The following TBX18 variants were observed in gnomAD, a reference collection of about 807,000 sequenced individuals.
TBX18 encodes the protein T-box transcription factor TBX18.
A neutral mutation model predicts 55.0 loss-of-function variants in TBX18; 21 were observed. The ratio of observed to expected loss-of-function variants is 0.38; its 90% CI spans 0.27 to 0.55. The LOEUF (loss-of-function observed/expected upper bound fraction) is 0.55. Among genes scored for constraint, TBX18 ranks in the 20% least tolerant of loss-of-function variants. TBX18 has a pLI of 0.73. For missense variants in TBX18, 840 were observed against 799.6 expected (o/e 1.05, Z -0.61); for synonymous variants, 342 against 326.1 (o/e 1.05, Z -0.53).
At chr6:84,762,969 C>CCCCAAGT (rs1767696418) in intron 1 of TBX18, 2 of 585,350 alleles carry the variant, frequency 3.4e-6, no homozygotes, top group African/African-American at 1.9e-5. Context: ...CCTGCTTGGT[C>CCCCAAGT]CCCAAGTCCC....
chr6:84,740,479 C>G (rs574743705), intron 6 of TBX18, among the ~76,000 whole-genome samples: 2 of 152,120 alleles, frequency 1.3e-5, no homozygotes, highest in Admixed American at 1.3e-4. Flanking sequence ...ATATCTGTGG[C>G]CAAACTACAA....
intron 3 of TBX18, 151 bp from the exon 4 acceptor site, chr6:84,757,020 C>T: frequency 1.3e-6 from 1 of 796,480 alleles, no homozygotes; most frequent in South Asian, 2.0e-5. Context: ...AAGCGCTTTT[C>T]CAAACCACTC....
chr6:84,757,060 G>A (rs564288920), intron 3 of TBX18, among the ~76,000 whole-genome samples, 191 bp from the exon 4 acceptor site: 1 of 152,148 alleles, frequency 6.6e-6, no homozygotes, highest in African/African-American at 2.4e-5. Flanking sequence ...TGACAATTCA[G>A]ACTAAGGGGC....
chr6:84,732,744 A>T lies in TBX18; in HGVS notation c.*3941T>A, dbSNP rs1250020259. 1 of 152,056 alleles carries T rather than the reference A, an allele frequency of 6.6e-6. No homozygotes were observed. Among genetic ancestry groups the T allele is most frequent in the Non-Finnish European group, 1.5e-5 (1 of 67,970 alleles). The allele number at this position is 152,056 out of a possible 1,614,324, so 9.4% of individuals were successfully genotyped here. ...AAAACTAAAGCACAGTTCCATTTAA[A>T]GGATAAATTTCACATAATTCAACAA... is the stretch of plus-strand genomic sequence containing the variant. On this transcript the variant is annotated 3_prime_UTR_variant, in exon 8 of 8. Transcript: ENST00000369663.
intron 3 of TBX18, 150 bp from the exon 4 acceptor site, chr6:84,757,019 T>G: frequency 5.1e-6 from 4 of 777,184 alleles, no homozygotes; most frequent in Non-Finnish European, 4.0e-6. Flanking sequence ...CAAGCGCTTT[T>G]CCAAACCACT....
At chr6:84,739,536 ACT>A (rs1382078689) in intron 6 of TBX18, among the ~76,000 whole-genome samples, 1 of 151,940 alleles carries the variant, frequency 6.6e-6, no homozygotes, top group Non-Finnish European at 1.5e-5. Context: ...AGACCTCATC[ACT>A]CTTCCTTCAA....
chr6:84,756,614 T>A lies in TBX18; in HGVS notation c.771+84A>T, dbSNP rs1033019433. On this transcript the variant is annotated intron_variant, in intron 4 of 7. Coordinates refer to ENST00000369663, the MANE Select transcript of TBX18 (RefSeq NM_001080508.3). ...AATCAGGCAATGAACATTATGATCTTAGAAGCATTCATTTCCTTTAGTCAG... is the reference window on the plus strand; with the variant it reads ...AATCAGGCAATGAACATTATGATCTAAGAAGCATTCATTTCCTTTAGTCAG... 39 of 1,301,824 alleles carry A rather than the reference T, an allele frequency of 3.0e-5. No homozygotes were observed. In the African/African-American group the frequency reaches 4.8e-4, roughly 16 times the overall value. The allele number at this position is 1,301,824 out of a possible 1,614,324, so 80.6% of individuals were successfully genotyped here. A position where few individuals can be genotyped will look rare whatever the true frequency, so the allele number is the denominator to read the frequency against.
In TBX18 at chr6:84,734,634, A is replaced by G. The variant is rs1411556829; in HGVS notation, c.*2051T>C. On this transcript the variant is annotated 3_prime_UTR_variant, in exon 8 of 8. Coordinates refer to ENST00000369663, the MANE Select transcript of TBX18 (RefSeq NM_001080508.3). ...TTGCTAAAATTTTACCAGAAAAAAG[A>G]TTAATAAAAAATTATACTCATATTG... 6.6e-6 allele frequency: 1 copy of G among 152,640 alleles called. No homozygotes were observed. Among genetic ancestry groups the G allele is most frequent in the Non-Finnish European group, 1.5e-5 (1 of 68,026 alleles). The allele number at this position is 152,640 out of a possible 1,614,324, so 9.5% of individuals were successfully genotyped here. A position where few individuals can be genotyped will look rare whatever the true frequency, so the allele number is the denominator to read the frequency against.
At position 84,736,920 on chromosome 6, in the gene TBX18, T is replaced by C; in HGVS notation, c.1589A>G (p.Tyr530Cys). 1 of 1,612,626 alleles carries C rather than the reference T, an allele frequency of 6.2e-7. No individual in the cohort carries two copies. Among genetic ancestry groups the C allele is most frequent in the Non-Finnish European group, 8.5e-7 (1 of 1,179,288 alleles). ...TFRLHSPCALYGYNFSTSPKL... is the reference protein window; with the variant it reads ...TFRLHSPCALCGYNFSTSPKL... Reference sequence around the variant, plus strand: ...GGGGGATGTGGAGAAGTTATATCCATATAGTGCACAGGGGCTGTGTAATCT... The same window carrying C: ...GGGGGATGTGGAGAAGTTATATCCACATAGTGCACAGGGGCTGTGTAATCT... The change falls in exon 8 of 8, where the codon TAT becomes TGT. Residue 530 changes from tyrosine to cysteine, a missense_variant. Transcript: ENST00000369663.
At chr6:84,742,885 C>T (rs1237164945) in intron 6 of TBX18, among the ~76,000 whole-genome samples, 2 of 152,080 alleles carry the variant, frequency 1.3e-5, no homozygotes, top group Non-Finnish European at 1.5e-5. Flanking sequence ...CAAAGGTTCT[C>T]TTCAGTCACC....
rs977409581 is a variant in TBX18, at chr6:84,762,860, G to A, written c.293-112C>T. 2.9e-6 allele frequency: 3 copies of A among 1,022,976 alleles called. No homozygotes were observed. In the South Asian group the frequency reaches 4.3e-5, roughly 15 times the overall value. 63.4% of individuals were successfully genotyped at this position (1,022,976 alleles called of 1,614,324 possible). A position where few individuals can be genotyped will look rare whatever the true frequency, so the allele number is the denominator to read the frequency against. ...AAGAGGAAAATGACCGGGAGAAAAG[G>A]GGAAGCTTTGGTGCCATCAGGTCCT... On this transcript the variant is annotated intron_variant, in intron 1 of 7. Transcript: ENST00000369663.
Position 84,760,257 on chromosome 6 carries a change from G to T in TBX18, c.597C>A (p.Tyr199Ter). The change falls in exon 3 of 8, where the codon TAC becomes TAA. Residue 199 changes from tyrosine to a stop codon, truncating the protein, a stop_gained and splice_region_variant. Transcript: ENST00000369663. LOFTEE classifies it high-confidence loss of function. ...TGTTCAGTATCTAATCACTGTACCT[G>T]TATCTTTTGTTGTCCACTGGTACAA... ...MDIVPVDNKR[Y>*]RYVYHSSKWM... 1 of 1,577,414 alleles carries T rather than the reference G, an allele frequency of 6.3e-7. No homozygotes were observed.
intron 2 of TBX18, among the ~76,000 whole-genome samples, chr6:84,761,207 T>TA (rs1462419200): frequency 1.3e-5 from 2 of 152,228 alleles, no homozygotes; most frequent in South Asian, 2.1e-4. Context: ...TTTAATGACT[T>TA]ACGTTTAAGT....
chr6:84,745,038 T>C (rs1767146363), intron 5 of TBX18, among the ~76,000 whole-genome samples: 1 of 152,150 alleles, frequency 6.6e-6, no homozygotes, highest in African/African-American at 2.4e-5. Context: ...ACTTTAACTT[T>C]CTTTCAAAAT....
chr6:84,762,703 G>A lies in TBX18; in HGVS notation c.338C>T (p.Ser113Leu). ...AGACCCCTTGGGGGAGCCTCCCGGT[G>A]ACGCCAGAGGGGAAGCTCCCTGCTG... ...GFQQGASPLA[S>L]PGGSPKGSPA... Residue 113 changes from serine to leucine, a missense_variant, in exon 2 of 8, where the codon TCA becomes TTA. Transcript: ENST00000369663. 1 of 1,610,936 alleles carries A rather than the reference G, an allele frequency of 6.2e-7. No homozygotes were observed. The highest frequency in any genetic ancestry group is 1.1e-5 in the South Asian group (1 of 90,946).
At chr6:84,758,380 C>T (rs1024128264) in intron 3 of TBX18, among the ~76,000 whole-genome samples, 1 of 150,112 alleles carries the variant, frequency 6.7e-6, no homozygotes, top group African/African-American at 2.5e-5. Flanking sequence ...TGTACTCCAG[C>T]CTGGGCAACA....
chr6:84,752,939 A>G (rs756580413), intron 4 of TBX18, among the ~76,000 whole-genome samples: 2 of 152,162 alleles, frequency 1.3e-5, no homozygotes, highest in East Asian at 3.8e-4. Context: ...TTTTAATAAA[A>G]ATGGTCAACT....
chr6:84,746,687 A>G (rs191727902), intron 5 of TBX18, among the ~76,000 whole-genome samples: 2 of 148,220 alleles, frequency 1.3e-5, no homozygotes, highest in African/African-American at 4.9e-5. Context: ...TGTTATATAT[A>G]ATACGTTAAA....
rs748986682 is a variant in TBX18 at position 84,762,658 on chromosome 6, C to A, written c.383G>T (p.Arg128Leu). The change falls in exon 2 of 8, where the codon CGG becomes CTG. Residue 128 changes from arginine (R) to leucine (L), a missense_variant. Physicochemically the swap from Arg to Leu is moderately radical, Grantham distance 102 (BLOSUM62 -2). Transcript: ENST00000369663. ...CGGCGAGGGCAGAGGGGTCCCGGGC[C>A]GGGCCAGGGAGCGCGCCGGAGACCC... ...PKGSPARSLA[R>L]PGTPLPSPQA... 5 of 1,610,406 alleles carry A rather than the reference C, an allele frequency of 3.1e-6. No individual in the cohort carries two copies. Among genetic ancestry groups the A allele is most frequent in the Non-Finnish European group, 4.2e-6 (5 of 1,178,624 alleles).
Sources: gnomAD v4.1 joint callset for allele counts (sites outside exome capture counted in the v4.1 genomes callset) on GRCh38, gnomAD v4.1.1 for gene constraint, MANE v1.5 for transcripts, NCBI Gene and HGNC (gene_info 2026-07-23, HGNC 2026-07-21) for gene names.